CCDC171: variants seen among roughly 807,000 people sequenced by gnomAD.
The protein encoded by CCDC171 is coiled-coil domain containing 171.
CCDC171 carries 177 observed loss-of-function variants against 168.2 expected under a neutral mutation model. That is an observed-to-expected ratio of 1.05 (90% confidence interval 0.93 to 1.19). CCDC171 has a LOEUF of 1.19. Among genes scored for constraint, CCDC171 ranks in the 50% most tolerant of loss-of-function variants. The probability of loss-of-function intolerance (pLI) is 0.00; values close to 1 mark genes in which losing one functional copy is unlikely to be tolerated. For missense variants in CCDC171, 1,991 were observed against 1,539.0 expected (o/e 1.29, Z -4.91); for synonymous variants, 687 against 540.8 (o/e 1.27, Z -3.75).
intron 10 of CCDC171, among the ~76,000 whole-genome samples, chr9:15,688,033 C>T (rs770170999): frequency 4.3e-4 from 64 of 149,532 alleles, no homozygotes; most frequent in Non-Finnish European, 6.8e-4. Flanking sequence ...GCAGGAGAAT[C>T]GCTTGAACCT....
chr9:16,080,312 C>T, the CCDC171 span, among the ~76,000 whole-genome samples: 1 of 152,074 alleles, frequency 6.6e-6, no homozygotes, highest in East Asian at 1.9e-4. Context: ...TTTTTTCCCC[C>T]AGTATGTTAG....
In CCDC171 at chr9:15,594,041, G is replaced by A; in HGVS notation, c.544G>A (p.Glu182Lys). 6.3e-7 allele frequency: 1 copy of A among 1,579,030 alleles called. No homozygotes were observed. The highest frequency in any genetic ancestry group is 8.6e-7 in the Non-Finnish European group (1 of 1,160,926). ...EKSRLEKTLQ[E>K]ALEKHQREKN... is the part of the protein sequence containing the mutation. ...AAAGCAAGATTTTATTTATATAAAGGAAGCGTTGGAAAAACATCAACGGGA... is the reference window on the plus strand; with the variant it reads ...AAAGCAAGATTTTATTTATATAAAGAAAGCGTTGGAAAAACATCAACGGGA... The change falls in exon 6 of 26, where the codon GAA becomes AAA. Residue 182 changes from glutamate to lysine, a missense_variant and splice_region_variant. Transcript: ENST00000380701.
intron 25 of CCDC171, among the ~76,000 whole-genome samples, chr9:15,951,174 G>A (rs1184082758): frequency 6.7e-6 from 1 of 150,374 alleles, no homozygotes; most frequent in East Asian, 2.0e-4. Flanking sequence ...CATTAATAAT[G>A]GGAGACTTTA....
intron 24 of CCDC171, among the ~76,000 whole-genome samples, chr9:15,914,353 A>G (rs571628240): frequency 6.6e-6 from 1 of 152,260 alleles, no homozygotes; most frequent in South Asian, 2.1e-4. Flanking sequence ...CCCAGAGAGG[A>G]GGAGTCAAGA....
intron 25 of CCDC171, among the ~76,000 whole-genome samples, chr9:15,928,042 T>C (rs982121028): frequency 6.6e-6 from 1 of 151,708 alleles, no homozygotes; most frequent in South Asian, 2.1e-4. Flanking sequence ...GTACAGATTC[T>C]GGAGTTCAAC....
intron 24 of CCDC171, among the ~76,000 whole-genome samples, chr9:15,919,021 C>T (rs1824944845): frequency 6.6e-6 from 1 of 151,584 alleles, no homozygotes; most frequent in African/African-American, 2.4e-5. Flanking sequence ...AGTAGCTTCT[C>T]AGTCTAGTAA....
chr9:15,656,763 C>A (rs981531588), intron 7 of CCDC171, among the ~76,000 whole-genome samples: 1 of 151,986 alleles, frequency 6.6e-6, no homozygotes, highest in African/African-American at 2.4e-5. Flanking sequence ...GAAGGCATTA[C>A]CAAGAGACAT....
chr9:15,675,762 C>T (rs2049503078), intron 9 of CCDC171, among the ~76,000 whole-genome samples: 2 of 152,152 alleles, frequency 1.3e-5, no homozygotes, highest in African/African-American at 4.8e-5. Context: ...TCATGGGCTT[C>T]CCTTGTTGGT....
the CCDC171 span, among the ~76,000 whole-genome samples, chr9:16,087,654 G>A: frequency 6.7e-6 from 1 of 148,372 alleles, no homozygotes; most frequent in Admixed American, 6.8e-5. Flanking sequence ...CATGTGAGAT[G>A]GGTCTGTTGA....
At position 15,817,011 on chromosome 9, in the gene CCDC171, T is replaced by C. The variant is rs1326329690; in HGVS notation, c.3268-29691T>C. 1.7e-5 allele frequency among the ~76,000 whole-genome samples: 2 copies of C among 117,680 alleles called. 1 individual carries two copies. The highest frequency in any genetic ancestry group is 3.8e-5 in the Non-Finnish European group (2 of 52,288). The allele number at this position is 117,680 out of a possible 152,430, so 77.2% of individuals were successfully genotyped here. ...AAAGATAAAAGAAGTTTTATAGTTA[T>C]GTGTGTGTGTGTATTTCCTTAAGGC... On this transcript the variant is annotated intron_variant, in intron 21 of 25. Transcript: ENST00000380701.
At chr9:15,606,239 T>A (rs571296106) in intron 6 of CCDC171, among the ~76,000 whole-genome samples, 1 of 152,324 alleles carries the variant, frequency 6.6e-6, no homozygotes, top group East Asian at 1.9e-4. Flanking sequence ...GAATATTGTA[T>A]TTCAGTAATC....
intron 18 of CCDC171, among the ~76,000 whole-genome samples, chr9:15,752,341 G>A (rs1423735726): frequency 6.6e-6 from 1 of 152,148 alleles, no homozygotes; most frequent in Admixed American, 6.5e-5. Flanking sequence ...AGACAGTTTG[G>A]CAATTCCTCA....
intron 3 of CCDC171, among the ~76,000 whole-genome samples, chr9:16,009,302 C>T (rs893767530): frequency 6.6e-6 from 1 of 152,160 alleles, no homozygotes; most frequent in African/African-American, 2.4e-5. Flanking sequence ...AACAGATACT[C>T]ACCTTTCCAT....
At chr9:15,949,803 C>T (rs1263805596) in intron 25 of CCDC171, among the ~76,000 whole-genome samples, 1 of 152,130 alleles carries the variant, frequency 6.6e-6, no homozygotes, top group East Asian at 1.9e-4. Context: ...TTATTTCCTT[C>T]TCCTGCCTAA....
chr9:15,677,131 A>G (rs369605057), intron 9 of CCDC171, among the ~76,000 whole-genome samples: 4 of 152,058 alleles, frequency 2.6e-5, no homozygotes, highest in Admixed American at 6.6e-5. Flanking sequence ...GGAAATTCTC[A>G]TTGCTTTGTT....
In CCDC171 at chr9:15,594,152, G is replaced by T; in HGVS notation, c.655G>T (p.Glu219Ter). 6.9e-7 allele frequency: 1 copy of T among 1,444,460 alleles called. No individual in the cohort carries two copies. The highest frequency in any genetic ancestry group is 1.2e-5 in the South Asian group (1 of 84,424). The allele number at this position is 1,444,460 out of a possible 1,614,324, so 89.5% of individuals were successfully genotyped here. ...AGAACAATGGGAAGCAGAAAGAAGA[G>T]AATTACAATTTATAGTACAGGTATT... The part of the protein sequence containing the change: ...QEEQWEAERR[E>*]LQFIVQEQDT... Residue 219 changes from glutamate (E) to a stop codon, truncating the protein, a stop_gained, in exon 6 of 26, where the codon GAA (glutamate) becomes TAA (stop). Transcript: ENST00000380701. LOFTEE classifies it high-confidence loss of function.
chr9:15,705,137 TA>T, intron 11 of CCDC171, among the ~76,000 whole-genome samples: 1 of 123,502 alleles, frequency 8.1e-6, no homozygotes, highest in Admixed American at 9.0e-5. Flanking sequence ...CTCACTCAGA[TA>T]ACTAAGTGTG....
At chr9:15,572,772 C>T (rs2040337130) in intron 3 of CCDC171, among the ~76,000 whole-genome samples, 1 of 152,110 alleles carries the variant, frequency 6.6e-6, no homozygotes. Flanking sequence ...TTTGTAAACC[C>T]CCTGAGAGCT....
At chr9:15,650,284 G>T (rs2047406895) in intron 7 of CCDC171, among the ~76,000 whole-genome samples, 1 of 152,106 alleles carries the variant, frequency 6.6e-6, no homozygotes, top group African/African-American at 2.4e-5. Flanking sequence ...AGCATTAACA[G>T]ATATACCTAA....
Sources: gnomAD v4.1 joint callset for allele counts (sites outside exome capture counted in the v4.1 genomes callset) on GRCh38, gnomAD v4.1.1 for gene constraint, MANE v1.5 for transcripts, NCBI Gene and HGNC (gene_info 2026-07-23, HGNC 2026-07-21) for gene names.